Variants in WWOX observed in about 807,000 individuals in gnomAD.
The protein encoded by WWOX is WW domain containing oxidoreductase.
In WWOX, 69 loss-of-function variants were observed where a neutral mutation model predicts 46.2. The ratio of observed to expected loss-of-function variants is 1.49; its 90% CI spans 1.23 to 1.82. The LOEUF (loss-of-function observed/expected upper bound fraction) is 1.82, where lower values mean the gene tolerates loss of function less well. Ranked by LOEUF, WWOX falls within the 40% of genes most tolerant of loss-of-function variation. The probability of loss-of-function intolerance (pLI) is 0.00; values close to 1 mark genes in which losing one functional copy is unlikely to be tolerated. For synonymous variants in WWOX, 359 were observed against 202.6 expected, an observed-to-expected ratio of 1.77 and a Z score of -6.56; for missense variants, 919 against 542.6, an observed-to-expected ratio of 1.69 and a Z score of -6.89.
intron 8 of WWOX, among the ~76,000 whole-genome samples, chr16:78,509,438 C>G (rs1011993433): frequency 2.1e-5 from 3 of 145,786 alleles, no homozygotes; most frequent in African/African-American, 7.7e-5. Flanking sequence ...GACTCAGTCT[C>G]AAAAAAAAAA....
chr16:78,155,752 A>T (rs1294641313), intron 4 of WWOX, among the ~76,000 whole-genome samples: 1 of 152,180 alleles, frequency 6.6e-6, no homozygotes, highest in Admixed American at 6.6e-5. Flanking sequence ...ATTTTGCACA[A>T]ACTTTGGCAC....
rs1254412115 is a variant in WWOX at position 78,303,946 on chromosome 16, G to A, written c.517-82914G>A. ...TCAGCTATTGCTTTTGAATCTATAC[G>A]CAATTCTAGCAGCTTCTTTTAGAGC... On this transcript the variant is annotated intron_variant, in intron 5 of 8. Coordinates refer to ENST00000566780, the MANE Select transcript of WWOX (RefSeq NM_016373.4). Among the ~76,000 whole-genome samples the A allele has an allele frequency of 3.9e-5, 6 of 152,282 alleles. No individual in the cohort carries two copies. The East Asian group carries it at 7.7e-4, about 20-fold the overall frequency.
rs577248598 is a variant in WWOX, at chr16:78,933,649, T to C, written c.1057-277959T>C. ...GAAGTTTATTGGACTTACAGTTCCA[T>C]GTGGCTGGGGAGGCCTCACAATTAC... On this transcript the variant is annotated intron_variant, in intron 8 of 8. Transcript: ENST00000566780. Among the ~76,000 whole-genome samples the C allele has an allele frequency of 4.6e-5, 7 of 152,226 alleles. No homozygotes were observed. The South Asian group carries it at 1.5e-3, about 32-fold the overall frequency.
intron 6 of WWOX, among the ~76,000 whole-genome samples, chr16:78,408,579 G>A (rs1247794955): frequency 1.3e-5 from 2 of 152,188 alleles, no homozygotes; most frequent in Admixed American, 6.5e-5. Flanking sequence ...GGGAACTTGT[G>A]TAACAGCTTG....
rs572945216 is a variant in WWOX at position 78,201,319 on chromosome 16, T to C, written c.516+37030T>C. ...GGAATGTGGAAAGGCTAAGGTTGTATTGAAAACTTATTAAGCTTATGAGAA... is the reference window on the plus strand; with the variant it reads ...GGAATGTGGAAAGGCTAAGGTTGTACTGAAAACTTATTAAGCTTATGAGAA... On this transcript the variant is annotated intron_variant, in intron 5 of 8. Coordinates refer to ENST00000566780, the MANE Select transcript of WWOX (RefSeq NM_016373.4). Among the ~76,000 whole-genome samples, 14 of 152,334 alleles carry C rather than the reference T, an allele frequency of 9.2e-5. No individual in the cohort carries two copies. In the East Asian group the frequency reaches 1.7e-3, roughly 19 times the overall value.
chr16:79,031,891 T>TAG (rs374028959), intron 8 of WWOX, among the ~76,000 whole-genome samples: 27,047 of 66,918 alleles, frequency 0.4, 3,211 homozygotes, highest in East Asian at 0.5. Flanking sequence ...GATATCTGTA[T>TAG]ACAGATATCT....
intron 8 of WWOX, among the ~76,000 whole-genome samples, chr16:78,686,789 G>C (rs1200637853): frequency 6.6e-6 from 1 of 152,186 alleles, no homozygotes; most frequent in Non-Finnish European, 1.5e-5. Flanking sequence ...AACAGAGACA[G>C]AGTTGACTTG....
intron 8 of WWOX, among the ~76,000 whole-genome samples, chr16:79,126,620 C>G (rs1008108351): frequency 6.6e-6 from 1 of 152,106 alleles, no homozygotes; most frequent in Non-Finnish European, 1.5e-5. Flanking sequence ...AAACCTCTTT[C>G]CTTTATAAAC....
chr16:78,722,704 T>G (rs900333778), intron 8 of WWOX, among the ~76,000 whole-genome samples: 1 of 103,760 alleles, frequency 9.6e-6, no homozygotes, highest in Non-Finnish European at 2.4e-5. Context: ...CTCTGTTTTT[T>G]TTTTTTTTTT....
intron 8 of WWOX, among the ~76,000 whole-genome samples, chr16:78,498,890 G>A (rs571888868): frequency 1.3e-5 from 2 of 152,088 alleles, no homozygotes; most frequent in East Asian, 3.9e-4. Flanking sequence ...AAATACATAG[G>A]CAACTTCCTC....
intron 8 of WWOX, among the ~76,000 whole-genome samples, chr16:78,901,017 T>C (rs550003960): frequency 6.6e-6 from 1 of 152,318 alleles, no homozygotes; most frequent in Non-Finnish European, 1.5e-5. Flanking sequence ...CAAGAACATG[T>C]TCTACAGAAT....
chr16:78,541,018 G>A (rs2941943), intron 8 of WWOX, among the ~76,000 whole-genome samples: 1 of 152,122 alleles, frequency 6.6e-6, no homozygotes, highest in South Asian at 2.1e-4. Context: ...TGTCAGCTGA[G>A]TTGGGGAGGT....
Position 78,841,515 on chromosome 16 carries a change from T to A in WWOX, c.1057-370093T>A, listed in dbSNP as rs575343091. ...AATGCTACTAATAAGGATGATTGTT[T>A]TAGTTTTCATTTTGTAATTTTCAGA... On this transcript the variant is annotated intron_variant, in intron 8 of 8. Coordinates refer to ENST00000566780, the MANE Select transcript of WWOX (RefSeq NM_016373.4). Among the ~76,000 whole-genome samples, 4 of 152,336 alleles carry A rather than the reference T, an allele frequency of 2.6e-5. No individual in the cohort carries two copies. The South Asian group carries it at 8.3e-4, about 32-fold the overall frequency.
intron 8 of WWOX, among the ~76,000 whole-genome samples, chr16:78,645,255 G>C (rs750094066): frequency 1.3e-5 from 2 of 152,042 alleles, no homozygotes; most frequent in Non-Finnish European, 2.9e-5. Context: ...TTAGTTGTCA[G>C]TATAAATGCT....
rs1597211793 is a variant in WWOX, at chr16:78,422,760, C to CATATATATACACATAT, written c.606-2097_606-2096insTATATATATATACACA. On this transcript the variant is annotated intron_variant, in intron 6 of 8. Transcript: ENST00000566780. Reference sequence around the variant, plus strand: ...ACACATATATATACACATATATACACATATATATACACACATATATATATA... The same window carrying CATATATATACACATAT: ...ACACATATATATACACATATATACACATATATATACACATATATATATATACACACATATATATATA... Among the ~76,000 whole-genome samples, 21 of 113,910 alleles carry CATATATATACACATAT rather than the reference C, an allele frequency of 1.8e-4. 1 individual carries two copies. In the East Asian group the frequency reaches 4.5e-3, roughly 24 times the overall value. The allele number at this position is 113,910 out of a possible 152,430, so 74.7% of individuals were successfully genotyped here.
chr16:78,573,592 T>C (rs2044773297), intron 8 of WWOX, among the ~76,000 whole-genome samples: 1 of 152,242 alleles, frequency 6.6e-6, no homozygotes, highest in Non-Finnish European at 1.5e-5. Flanking sequence ...GCTCAGCTTG[T>C]CATTCCTTTG....
chr16:79,061,435 G>C (rs927151888), intron 8 of WWOX, among the ~76,000 whole-genome samples: 2 of 152,228 alleles, frequency 1.3e-5, no homozygotes, highest in Non-Finnish European at 2.9e-5. Context: ...ACTGGTATAA[G>C]TAGCAAAGCA....
chr16:78,440,887 G>C (rs114852115), intron 8 of WWOX, among the ~76,000 whole-genome samples: 12,527 of 152,146 alleles, frequency 0.082, 939 homozygotes, highest in African/African-American at 0.19. Context: ...CCAAAGTGTG[G>C]TGGGATTCCA....
At chr16:78,713,435 T>C (rs2048489842) in intron 8 of WWOX, among the ~76,000 whole-genome samples, 1 of 152,142 alleles carries the variant, frequency 6.6e-6, no homozygotes, top group South Asian at 2.1e-4. Context: ...AGCTGAATTA[T>C]GTGTCCCCAA....
Sources: allele counts gnomAD v4.1 joint callset (sites outside exome capture counted in the v4.1 genomes callset), GRCh38; gene constraint gnomAD v4.1.1; transcripts MANE v1.5; gene names NCBI Gene and HGNC (gene_info 2026-07-23, HGNC 2026-07-21).